Variants in OGDHL observed in about 807,000 individuals in gnomAD.
OGDHL encodes 2-oxoglutarate dehydrogenase-like, mitochondrial.
OGDHL carries 79 observed loss-of-function variants against 109.6 expected under a neutral mutation model. The ratio of observed to expected loss-of-function variants is 0.72; its 90% confidence interval spans 0.60 to 0.87. OGDHL has a LOEUF of 0.87. Among genes scored for constraint, OGDHL ranks in the 40% least tolerant of loss-of-function variants. The pLI is 0.00. For synonymous variants in OGDHL, 528 were observed against 537.2 expected (o/e 0.98, Z 0.24); for missense variants, 1,275 against 1,362.2 (o/e 0.94, Z 1.01).
chr10:49,750,438 C>T (rs1455619547), intron 7 of OGDHL, among the ~76,000 whole-genome samples: 4 of 152,348 alleles, frequency 2.6e-5, no homozygotes, highest in African/African-American at 9.6e-5. Flanking sequence ...GGCTCACCTC[C>T]ACAGACCTCC....
At position 49,747,202 on chromosome 10, in the gene OGDHL, C is replaced by T. The variant is rs566362449; in HGVS notation, c.994G>A (p.Gly332Arg). ...PKLEAADEGS[G>R]DVKYHLGMYH... ...ATGCCCAGGTGGTACTTGACATCCC[C>T]GGAGCCCTGAAGGTGGAGATGGGAA... Residue 332 changes from glycine to arginine, a missense_variant, in exon 9 of 23, where the codon GGG (glycine) becomes AGG (arginine). Gly to Arg is a moderately radical substitution (Grantham distance 125). Coordinates refer to ENST00000374103, the MANE Select transcript of OGDHL (RefSeq NM_018245.3). The T allele has an allele frequency of 5.0e-6, 8 of 1,613,890 alleles. No individual in the cohort carries two copies. In the Admixed American group the frequency reaches 5.0e-5, roughly 10 times the overall value.
intron 17 of OGDHL, chr10:49,738,851 A>G (rs983528850): frequency 7.8e-5 from 12 of 153,620 alleles, no homozygotes; most frequent in African/African-American, 2.9e-4. Context: ...CCCACTGCAC[A>G]GCTGCCACTT....
chr10:49,735,754 C>T (rs1255196105), intron 22 of OGDHL, among the ~76,000 whole-genome samples: 1 of 152,252 alleles, frequency 6.6e-6, no homozygotes, highest in African/African-American at 2.4e-5. Context: ...AATCTTATCA[C>T]CGCCCTTTGT....
At position 49,742,933 on chromosome 10, in the gene OGDHL, C is replaced by T. The variant is rs373974919; in HGVS notation, c.1907G>A (p.Arg636Gln). The change falls in exon 15 of 23, where the codon CGG (arginine) becomes CAG (glutamine). Residue 636 changes from arginine (R) to glutamine (Q), a missense_variant. Transcript: ENST00000374103. ...LRGRADMTKN[R>Q]TVDWALAEYM... is the part of the protein sequence containing the mutation. The stretch of plus-strand genomic sequence containing the variant: ...CTCTGCCAACGCCCAGTCCACCGTC[C>T]GGTTCTTGGTCATGTCCGCACGGCC... The T allele has an allele frequency of 9.9e-6, 16 of 1,613,866 alleles. No homozygotes were observed. The highest frequency in any genetic ancestry group is 4.5e-5 in the East Asian group (2 of 44,896).
Position 49,755,072 on chromosome 10 carries a change from C to A in OGDHL, c.375+1704G>T, listed in dbSNP as rs575016383. 2.8e-4 allele frequency among the ~76,000 whole-genome samples: 43 copies of A among 152,194 alleles called. 1 individual carries two copies. Among genetic ancestry groups the A allele is most frequent in the African/African-American group, 9.4e-4 (39 of 41,518 alleles). On this transcript the variant is annotated intron_variant, in intron 3 of 22. Coordinates refer to ENST00000374103, the MANE Select transcript of OGDHL (RefSeq NM_018245.3). ...CAGCCTGGCCAACATGGTGAAACCCCGTCTCCACTGAAAACACAAAAATCA... is the reference window on the plus strand; with the variant it reads ...CAGCCTGGCCAACATGGTGAAACCCAGTCTCCACTGAAAACACAAAAATCA...
intron 16 of OGDHL, among the ~76,000 whole-genome samples, chr10:49,740,083 T>C (rs1332383877): frequency 1.3e-5 from 2 of 152,102 alleles, no homozygotes; most frequent in Admixed American, 1.3e-4. Flanking sequence ...CTTATTTAGG[T>C]ATCCTGGGGA....
intron 16 of OGDHL, among the ~76,000 whole-genome samples, chr10:49,740,091 G>C (rs544719339): frequency 1.3e-5 from 2 of 152,258 alleles, no homozygotes; most frequent in South Asian, 4.1e-4. Context: ...GGTATCCTGG[G>C]GAGGCAACAG....
At chr10:49,735,930 G>A in intron 22 of OGDHL, 93 bp downstream of exon 22, 1 of 1,380,200 alleles carries the variant, frequency 7.2e-7, no homozygotes, top group Non-Finnish European at 9.6e-7. Context: ...GAAGGGCAGG[G>A]CCAGTTCTGG....
At chr10:49,737,153 G>C (rs1841258356) in intron 20 of OGDHL, among the ~76,000 whole-genome samples, 1 of 152,148 alleles carries the variant, frequency 6.6e-6, no homozygotes, top group African/African-American at 2.4e-5. Flanking sequence ...AGGTAGCCCA[G>C]GTAGTCCAGT....
chr10:49,756,595 T>G, intron 3 of OGDHL, 181 bp downstream of exon 3: 1 of 548,312 alleles, frequency 1.8e-6, no homozygotes, highest in Non-Finnish European at 3.1e-6. Flanking sequence ...AAGCAGGTGG[T>G]AAGTGCTCTG....
intron 2 of OGDHL, among the ~76,000 whole-genome samples, chr10:49,757,441 T>C (rs1198512060): frequency 6.6e-6 from 1 of 152,150 alleles, no homozygotes; most frequent in Non-Finnish European, 1.5e-5. Flanking sequence ...ACAATCCCCA[T>C]GGAAAGCAAC....
At chr10:49,744,268 G>A in intron 13 of OGDHL, 146 bp from the exon 14 acceptor site, 1 of 1,036,682 alleles carries the variant, frequency 9.6e-7, no homozygotes, top group African/African-American at 1.6e-5. Flanking sequence ...CTTGGGACCT[G>A]GGACAGCTGG....
rs1590663736 is a variant in OGDHL, at chr10:49,734,930, T to G, written c.*298A>C. 4.5e-6 allele frequency: 1 copy of G among 224,060 alleles called. No homozygotes were observed. The highest frequency in any genetic ancestry group is 1.0e-4 in the East Asian group (1 of 9,986). 13.9% of individuals were successfully genotyped at this position (224,060 alleles called of 1,614,324 possible). On this transcript the variant is annotated 3_prime_UTR_variant, in exon 23 of 23. Coordinates refer to ENST00000374103, the MANE Select transcript of OGDHL (RefSeq NM_018245.3). ...GCGGCCACAGACACAGGCCCCCGGGTGTCTGTCTTGAGATACAGGTGGAGA... is the reference window on the plus strand; with the variant it reads ...GCGGCCACAGACACAGGCCCCCGGGGGTCTGTCTTGAGATACAGGTGGAGA...
chr10:49,738,462 G>C lies in OGDHL; in HGVS notation c.2320-200C>G, dbSNP rs1211652731. 24 of 603,442 alleles carry C rather than the reference G, an allele frequency of 4.0e-5. No individual in the cohort carries two copies. In the East Asian group the frequency reaches 6.7e-4, roughly 17 times the overall value. 37.4% of individuals were successfully genotyped at this position (603,442 alleles called of 1,614,324 possible). On this transcript the variant is annotated intron_variant, in intron 17 of 22. Coordinates refer to ENST00000374103, the MANE Select transcript of OGDHL (RefSeq NM_018245.3). ...ATCCTCAGAGTGGGGTCTGCCCAGA[G>C]CTAGCACAGTATGTGAACTTGCAGG...
chr10:49,757,092 A>G, intron 2 of OGDHL, 146 bp from the exon 3 acceptor site: 1 of 692,638 alleles, frequency 1.4e-6, no homozygotes, highest in African/African-American at 1.8e-5. Flanking sequence ...TGTACATACA[A>G]CGATGTTCCC....
chr10:49,743,717 G>A (rs1366034541), intron 14 of OGDHL: 23 of 292,510 alleles, frequency 7.9e-5, no homozygotes, highest in African/African-American at 1.7e-4. Flanking sequence ...GGGACGCCCC[G>A]GCAAAGGCAT....
chr10:49,742,248 CCA>C lies in OGDHL; in HGVS notation c.2012+578_2012+579del, dbSNP rs199928214. ...CACACACGCACACACCACACATACA[CCA>C]CACATACCCCATACACACTCAACAC... On this transcript the variant is annotated intron_variant, in intron 15 of 22. Coordinates refer to ENST00000374103, the MANE Select transcript of OGDHL (RefSeq NM_018245.3). Among the ~76,000 whole-genome samples, 75 of 137,404 alleles carry C rather than the reference CCA, an allele frequency of 5.5e-4. 1 individual carries two copies. In the East Asian group the frequency reaches 0.017, roughly 32 times the overall value. The allele number at this position is 137,404 out of a possible 152,430, so 90.1% of individuals were successfully genotyped here.
chr10:49,753,137 C>T (rs1379219747), intron 3 of OGDHL, among the ~76,000 whole-genome samples: 1 of 152,184 alleles, frequency 6.6e-6, no homozygotes, highest in African/African-American at 2.4e-5. Flanking sequence ...CCATCTGATA[C>T]TACAAGGTAG....
intron 11 of OGDHL, 79 bp downstream of exon 11, chr10:49,745,719 A>G: frequency 6.6e-7 from 1 of 1,517,654 alleles, no homozygotes; most frequent in Non-Finnish European, 9.0e-7. Flanking sequence ...TGAGTGCTGA[A>G]GATGCTGATG....
Sources: gnomAD v4.1 joint callset for allele counts (sites outside exome capture counted in the v4.1 genomes callset) on GRCh38, gnomAD v4.1.1 for gene constraint, MANE v1.5 for transcripts, NCBI Gene and HGNC (gene_info 2026-07-23, HGNC 2026-07-21) for gene names.